GALNT1: variants seen among roughly 807,000 people sequenced by gnomAD.
GALNT1 encodes GalNAc transferase 1.
Under a neutral mutation model 65.7 loss-of-function variants are expected in GALNT1, and 17 were observed. That is an observed-to-expected ratio of 0.26 (90% CI 0.18 to 0.39). The LOEUF (loss-of-function observed/expected upper bound fraction) is 0.39. Ranked by LOEUF, GALNT1 falls within the 10% of genes least tolerant of loss-of-function variation. The pLI is 1.00. For synonymous variants in GALNT1, 210 were observed against 219.7 expected (o/e 0.96, Z 0.39); for missense variants, 460 against 672.8 (o/e 0.68, Z 3.50).
chr18:35,691,103 G>T lies in GALNT1; in HGVS notation c.1070G>T (p.Gly357Val), dbSNP rs758097611. Residue 357 changes from glycine to valine, a missense_variant, in exon 8 of 12, where the codon GGC (glycine) becomes GTC (valine). Physicochemically the swap from Gly to Val is moderately radical, Grantham distance 109. Transcript: ENST00000269195. The part of the protein sequence containing the change: ...RKATPYTFPG[G>V]TGQIINKNNR... ...GCTACACCTTACACGTTTCCAGGAG[G>T]CACAGGGCAGATTATCAATAAAAAT... 1 of 1,613,310 alleles carries T rather than the reference G, an allele frequency of 6.2e-7. No homozygotes were observed. Among genetic ancestry groups the T allele is most frequent in the East Asian group, 2.2e-5 (1 of 44,862 alleles).
intron 1 of GALNT1, among the ~76,000 whole-genome samples, chr18:35,629,655 C>T (rs1313606942): frequency 1.6e-5 from 2 of 122,722 alleles, no homozygotes; most frequent in East Asian, 4.1e-4. Context: ...GAAACTGCAT[C>T]AACTAACTAG....
chr18:35,699,967 G>A (rs2048129495), intron 9 of GALNT1, among the ~76,000 whole-genome samples: 1 of 152,048 alleles, frequency 6.6e-6, no homozygotes, highest in Non-Finnish European at 1.5e-5. Context: ...CCTAGAAAAT[G>A]TTTGTTCCTC....
chr18:35,646,190 C>T (rs974574168), intron 1 of GALNT1, among the ~76,000 whole-genome samples: 1 of 152,050 alleles, frequency 6.6e-6, no homozygotes, highest in Non-Finnish European at 1.5e-5. Context: ...GGGGGAAGTG[C>T]CACACATTTG....
At chr18:35,659,192 T>G (rs2047441243) in intron 2 of GALNT1, among the ~76,000 whole-genome samples, 1 of 152,202 alleles carries the variant, frequency 6.6e-6, no homozygotes, top group Admixed American at 6.5e-5. Flanking sequence ...ATTTAGCAAA[T>G]TTTACTGTCT....
chr18:35,599,717 G>A (rs1254683606), intron 1 of GALNT1, among the ~76,000 whole-genome samples: 1 of 152,198 alleles, frequency 6.6e-6, no homozygotes, highest in Non-Finnish European at 1.5e-5. Context: ...ATGAGAAATA[G>A]GGATCTAGCT....
intron 1 of GALNT1, among the ~76,000 whole-genome samples, chr18:35,631,644 C>T (rs1389730212): frequency 1.3e-5 from 2 of 152,056 alleles, no homozygotes; most frequent in African/African-American, 4.8e-5. Flanking sequence ...TGAAAACTGG[C>T]ACAAGACAGG....
intron 1 of GALNT1, among the ~76,000 whole-genome samples, chr18:35,628,635 A>T (rs1399901186): frequency 6.6e-6 from 1 of 152,164 alleles, no homozygotes; most frequent in Non-Finnish European, 1.5e-5. Flanking sequence ...AGCAGAAAAA[A>T]TGAAAATTCT....
intron 1 of GALNT1, among the ~76,000 whole-genome samples, chr18:35,631,665 C>G (rs1428139825): frequency 3.9e-5 from 6 of 152,102 alleles, no homozygotes; most frequent in Non-Finnish European, 8.8e-5. Context: ...GATGCCCTCT[C>G]TCACCACTCC....
At chr18:35,653,189 A>T (rs1177123912) in intron 1 of GALNT1, among the ~76,000 whole-genome samples, 1 of 152,180 alleles carries the variant, frequency 6.6e-6, no homozygotes, top group African/African-American at 2.4e-5. Context: ...CCTTGTTTTC[A>T]TCTTGCAGTC....
intron 1 of GALNT1, among the ~76,000 whole-genome samples, chr18:35,616,583 G>A (rs1044809279): frequency 1.3e-5 from 2 of 152,126 alleles, no homozygotes; most frequent in Non-Finnish European, 2.9e-5. Flanking sequence ...ATCCTCACCT[G>A]AAGTCTTGAG....
intron 1 of GALNT1, among the ~76,000 whole-genome samples, chr18:35,639,506 T>C (rs554176867): frequency 6.6e-6 from 1 of 152,314 alleles, no homozygotes; most frequent in East Asian, 1.9e-4. Context: ...TTACTGAATA[T>C]TTGCTTTATT....
At chr18:35,692,383 A>T in intron 9 of GALNT1, 63 bp downstream of exon 9, 1 of 1,084,922 alleles carries the variant, frequency 9.2e-7, no homozygotes, top group Non-Finnish European at 1.2e-6. Flanking sequence ...TATTAAAAAA[A>T]AATAGGAGTT....
At chr18:35,628,561 A>G (rs12954901) in intron 1 of GALNT1, among the ~76,000 whole-genome samples, 16,822 of 152,238 alleles carry the variant, frequency 0.11, 1,001 homozygotes, top group Admixed American at 0.18. Context: ...CCAGAACCCC[A>G]TCTGTACATC....
At chr18:35,689,128 T>C (rs773195366) in intron 6 of GALNT1, 45 bp from the exon 7 acceptor site, 5 of 1,229,748 alleles carry the variant, frequency 4.1e-6, no homozygotes, top group Middle Eastern at 1.9e-4. Context: ...AACTGATTGA[T>C]TGTAAATTTT....
intron 7 of GALNT1, among the ~76,000 whole-genome samples, chr18:35,690,277 CT>C (rs1324306640): frequency 1.3e-5 from 2 of 151,956 alleles, no homozygotes; most frequent in Non-Finnish European, 2.9e-5. Context: ...CACTGAAGAA[CT>C]TACAATGGAT....
At chr18:35,583,793 A>G (rs2046350880) in intron 1 of GALNT1, among the ~76,000 whole-genome samples, 6 of 152,202 alleles carry the variant, frequency 3.9e-5, no homozygotes, top group Admixed American at 3.3e-4. Context: ...GCATGGGACC[A>G]GAGTCAAAAT....
chr18:35,710,234 C>T lies in GALNT1; in HGVS notation c.*464C>T, dbSNP rs1011643938. On this transcript the variant is annotated 3_prime_UTR_variant, in exon 12 of 12. Coordinates refer to ENST00000269195, the MANE Select transcript of GALNT1 (RefSeq NM_020474.4). ...GATATAAAAATAAAAGAACTGGAAC[C>T]AGATTCAGAATCATGAAAACAACAT... 1 of 153,244 alleles carries T rather than the reference C, an allele frequency of 6.5e-6. No individual in the cohort carries two copies. Among genetic ancestry groups the T allele is most frequent in the Non-Finnish European group, 1.5e-5 (1 of 68,600 alleles). 9.5% of individuals were successfully genotyped at this position (153,244 alleles called of 1,614,324 possible).
chr18:35,689,096 T>C, intron 6 of GALNT1, 77 bp from the exon 7 acceptor site: 1 of 908,658 alleles, frequency 1.1e-6, no homozygotes, highest in East Asian at 2.4e-5. Context: ...TAAATAGTTA[T>C]GAAACAGCTT....
chr18:35,632,956 C>G (rs1331123389), intron 1 of GALNT1, among the ~76,000 whole-genome samples: 2 of 152,058 alleles, frequency 1.3e-5, no homozygotes, highest in African/African-American at 4.8e-5. Context: ...ATGCTCATCA[C>G]TGGCCATCAG....
Sources: allele counts gnomAD v4.1 joint callset (sites outside exome capture counted in the v4.1 genomes callset), GRCh38; gene constraint gnomAD v4.1.1; transcripts MANE v1.5; gene names NCBI Gene and HGNC (gene_info 2026-07-23, HGNC 2026-07-21).